SUGCT: variants seen among roughly 807,000 people sequenced by gnomAD.
SUGCT encodes succinyl-CoA:glutarate-CoA transferase.
In SUGCT, 41 loss-of-function variants were observed where a neutral mutation model predicts 55.0. The observed-to-expected ratio is 0.74, with a 90% CI of 0.58 to 0.97. The LOEUF (loss-of-function observed/expected upper bound fraction) is 0.97. SUGCT is among the 50% of genes least tolerant of loss of function. The pLI is 0.00. For missense variants in SUGCT, 568 were observed against 547.8 expected (o/e 1.04, Z -0.37); for synonymous variants, 187 against 200.4 (o/e 0.93, Z 0.56).
At position 40,367,456 on chromosome 7, in the gene SUGCT, AAAAAT is replaced by A. The variant is rs528739176; in HGVS notation, c.816+50612_816+50616del. Among the ~76,000 whole-genome samples, 106 of 152,018 alleles carry A rather than the reference AAAAAT, an allele frequency of 7.0e-4. No homozygotes were observed. The East Asian group carries it at 0.018, about 25-fold the overall frequency. On this transcript the variant is annotated intron_variant, in intron 9 of 13. Transcript: ENST00000335693. ...TAAATAAATAAATTACCCAGAAAAAAAAAATAAAATAAAATGGCTGGCACTGCGAT... is the reference window on the plus strand; with the variant it reads ...TAAATAAATAAATTACCCAGAAAAAAAAAATAAAATGGCTGGCACTGCGAT...
At chr7:40,348,442 T>G (rs1011987209) in intron 9 of SUGCT, among the ~76,000 whole-genome samples, 19 of 152,110 alleles carry the variant, frequency 1.2e-4, no homozygotes, top group African/African-American at 4.3e-4. Flanking sequence ...CCCGTTAGAA[T>G]CCAGTCCTTC....
the SUGCT span, among the ~76,000 whole-genome samples, chr7:40,938,367 CCT>C: frequency 6.7e-6 from 1 of 149,174 alleles, no homozygotes; most frequent in Admixed American, 6.7e-5. Flanking sequence ...ATTTTAATTC[CCT>C]TATTTGTTTT....
intron 12 of SUGCT, among the ~76,000 whole-genome samples, chr7:40,578,778 A>G (rs1184728862): frequency 6.6e-6 from 1 of 152,178 alleles, no homozygotes; most frequent in Non-Finnish European, 1.5e-5. Context: ...AAAAAGACCT[A>G]TCATTCCTAT....
chr7:40,927,569 C>T, the SUGCT span, among the ~76,000 whole-genome samples: 2 of 152,090 alleles, frequency 1.3e-5, no homozygotes, highest in East Asian at 1.9e-4. Flanking sequence ...AGTTGGTCAC[C>T]GAAATTGACT....
At chr7:40,830,303 A>G (rs536980589) in intron 13 of SUGCT, among the ~76,000 whole-genome samples, 1 of 152,258 alleles carries the variant, frequency 6.6e-6, no homozygotes, top group South Asian at 2.1e-4. Flanking sequence ...AGAAGTTAGG[A>G]GAAAGTCCTT....
intron 12 of SUGCT, among the ~76,000 whole-genome samples, chr7:40,541,603 T>C (rs1794683014): frequency 6.6e-6 from 1 of 152,168 alleles, no homozygotes; most frequent in South Asian, 2.1e-4. Context: ...GAGCAAGAGC[T>C]CTATCACAGA....
At chr7:40,836,498 T>C (rs1792983384) in intron 13 of SUGCT, among the ~76,000 whole-genome samples, 1 of 152,150 alleles carries the variant, frequency 6.6e-6, no homozygotes, top group Non-Finnish European at 1.5e-5. Context: ...TTTAGTACTA[T>C]GGAATTTTAT....
intron 7 of SUGCT, among the ~76,000 whole-genome samples, chr7:40,241,333 C>T (rs772471505): frequency 5.3e-5 from 8 of 152,048 alleles, no homozygotes; most frequent in South Asian, 4.1e-4. Context: ...AATCCCAGCA[C>T]GTTGGGAGGC....
intron 12 of SUGCT, among the ~76,000 whole-genome samples, chr7:40,569,767 G>C (rs1365164488): frequency 6.6e-6 from 1 of 152,112 alleles, no homozygotes; most frequent in Non-Finnish European, 1.5e-5. Context: ...AAAGCAATTA[G>C]ACTGTCTTTT....
intron 13 of SUGCT, among the ~76,000 whole-genome samples, chr7:40,855,972 A>G (rs1282136360): frequency 2.0e-5 from 3 of 152,210 alleles, no homozygotes; most frequent in Non-Finnish European, 4.4e-5. Flanking sequence ...TTGCAGATCC[A>G]AACTGGACCC....
At chr7:40,227,620 AT>A (rs1562593030) in intron 6 of SUGCT, among the ~76,000 whole-genome samples, 1 of 152,052 alleles carries the variant, frequency 6.6e-6, no homozygotes, top group Non-Finnish European at 1.5e-5. Flanking sequence ...TTATAAAAAA[AT>A]TTTTAATTGA....
rs752445817 is a variant in SUGCT, at chr7:40,144,064, C to T, written c.100+8944C>T. Reference sequence around the variant, plus strand: ...GGTCCACAGAATGTTGGACAAACTACGGCATAAAAGCTCTACACTGGGGGG... The same window carrying T: ...GGTCCACAGAATGTTGGACAAACTATGGCATAAAAGCTCTACACTGGGGGG... On this transcript the variant is annotated intron_variant, in intron 1 of 13. Transcript: ENST00000335693. 3.3e-5 allele frequency among the ~76,000 whole-genome samples: 5 copies of T among 152,300 alleles called. No homozygotes were observed. The South Asian group carries it at 6.2e-4, about 19-fold the overall frequency.
At chr7:40,391,377 C>A (rs1264540506) in intron 9 of SUGCT, among the ~76,000 whole-genome samples, 1 of 152,122 alleles carries the variant, frequency 6.6e-6, no homozygotes, top group African/African-American at 2.4e-5. Flanking sequence ...TTTTTACAAT[C>A]TACCCGTCTG....
chr7:41,028,954 AATAT>A, the SUGCT span, among the ~76,000 whole-genome samples: 70 of 152,314 alleles, frequency 4.6e-4, no homozygotes, highest in South Asian at 1.5e-3. Flanking sequence ...AATTCTCTCT[AATAT>A]ACCCCCAGAG....
the SUGCT span, among the ~76,000 whole-genome samples, chr7:40,919,616 C>T: frequency 1.3e-5 from 2 of 152,098 alleles, no homozygotes; most frequent in Admixed American, 6.5e-5. Context: ...AGAACTCCAA[C>T]CCAAGGTTTC....
Position 40,223,039 on chromosome 7 carries a change from T to TTCCTTCCA in SUGCT, c.485-14593_485-14592insTTCCATCC, listed in dbSNP as rs1554291675. 6.8e-4 allele frequency among the ~76,000 whole-genome samples: 91 copies of TTCCTTCCA among 133,368 alleles called. 2 individuals carry two copies. Among genetic ancestry groups the TTCCTTCCA allele is most frequent in the Non-Finnish European group, 5.4e-4 (33 of 61,588 alleles). 87.5% of individuals were successfully genotyped at this position (133,368 alleles called of 152,430 possible). On this transcript the variant is annotated intron_variant, in intron 6 of 13. Transcript: ENST00000335693. ...CTTCCTTCCTTCCTTCCTTCCTTCC[T>TTCCTTCCA]TCCATCCATCCACCCATCCTTCCAT...
the SUGCT span, among the ~76,000 whole-genome samples, chr7:40,873,068 T>C: frequency 6.6e-6 from 1 of 152,198 alleles, no homozygotes; most frequent in Non-Finnish European, 1.5e-5. Flanking sequence ...CCTGCGGATC[T>C]AGAAGTCATA....
At chr7:40,243,318 G>T (rs1789588828) in intron 7 of SUGCT, among the ~76,000 whole-genome samples, 2 of 151,848 alleles carry the variant, frequency 1.3e-5, no homozygotes, top group South Asian at 4.1e-4. Flanking sequence ...AATGAACAAA[G>T]ACGTATTGAC....
intron 12 of SUGCT, among the ~76,000 whole-genome samples, chr7:40,644,203 T>A (rs1262340907): frequency 6.6e-6 from 1 of 152,116 alleles, no homozygotes; most frequent in African/African-American, 2.4e-5. Flanking sequence ...GACAAATAAA[T>A]CCTTATTCCT....
Sources: allele counts gnomAD v4.1 joint callset (sites outside exome capture counted in the v4.1 genomes callset), GRCh38; gene constraint gnomAD v4.1.1; transcripts MANE v1.5; gene names NCBI Gene and HGNC (gene_info 2026-07-23, HGNC 2026-07-21).